TATDN2: variants seen among roughly 807,000 people sequenced by gnomAD.
The protein encoded by TATDN2 is 3'-5' RNA nuclease TATDN2.
In TATDN2, 44 loss-of-function variants were observed where a neutral mutation model predicts 60.3. That is an observed-to-expected ratio of 0.73 (90% CI 0.57 to 0.94). The LOEUF (loss-of-function observed/expected upper bound fraction) is 0.94, where lower values mean the gene tolerates loss of function less well. Among genes scored for constraint, TATDN2 ranks in the 40% least tolerant of loss-of-function variants. TATDN2 has a pLI of 0.00. For synonymous variants in TATDN2, 399 were observed against 355.8 expected, an observed-to-expected ratio of 1.12 and a Z score of -1.37; for missense variants, 997 against 948.0, an observed-to-expected ratio of 1.05 and a Z score of -0.68.
intron 2 of TATDN2, among the ~76,000 whole-genome samples, chr3:10,255,399 C>T (rs1222930275): frequency 6.6e-6 from 1 of 152,138 alleles, no homozygotes. Context: ...AATCCCGGTT[C>T]TGCCACTTAC....
intron 4 of TATDN2, among the ~76,000 whole-genome samples, chr3:10,272,355 C>T (rs1381266166): frequency 6.6e-6 from 1 of 152,146 alleles, no homozygotes; most frequent in South Asian, 2.1e-4. Context: ...CTCACTGCTA[C>T]CTCCACCTCC....
chr3:10,273,318 A>G (rs9842714), intron 4 of TATDN2, among the ~76,000 whole-genome samples: 259 of 149,986 alleles, frequency 1.7e-3, no homozygotes, highest in African/African-American at 6.1e-3. Context: ...TAAATAAAAA[A>G]TTTGGCACCC....
intron 4 of TATDN2, among the ~76,000 whole-genome samples, chr3:10,273,739 G>A (rs1408421231): frequency 6.6e-6 from 1 of 152,178 alleles, no homozygotes; most frequent in Non-Finnish European, 1.5e-5. Flanking sequence ...AAAACAATTG[G>A]GGAAAGAATG....
chr3:10,277,638 GCA>G (rs1264070166), intron 5 of TATDN2, among the ~76,000 whole-genome samples: 2 of 152,182 alleles, frequency 1.3e-5, no homozygotes, highest in Non-Finnish European at 2.9e-5. Flanking sequence ...CCTGGCTGCT[GCA>G]CACACCAATG....
At chr3:10,258,834 T>C (rs1340224962) in intron 2 of TATDN2, among the ~76,000 whole-genome samples, 1 of 152,004 alleles carries the variant, frequency 6.6e-6, no homozygotes, top group Non-Finnish European at 1.5e-5. Flanking sequence ...AGTTTAGCTT[T>C]TTAGACTTGT....
At chr3:10,273,629 T>C (rs1006613404) in intron 4 of TATDN2, among the ~76,000 whole-genome samples, 48 of 151,508 alleles carry the variant, frequency 3.2e-4, no homozygotes, top group Non-Finnish European at 3.4e-4. Flanking sequence ...GGAAGGTCTG[T>C]ATCTGGGCAA....
At position 10,260,169 on chromosome 3, in the gene TATDN2, A is replaced by G. The variant is rs749308529; in HGVS notation, c.447A>G (p.Thr149=). The part of the protein sequence containing the change: ...VDSKDSSHNS[T]NSEFAAEAEG... ...CCAAAGATAGTTCTCATAACTCCACAAACTCTGAATTTGCAGCTGAAGCTG... is the reference window on the plus strand; with the variant it reads ...CCAAAGATAGTTCTCATAACTCCACGAACTCTGAATTTGCAGCTGAAGCTG... The change falls in exon 3 of 8, where the codon ACA becomes ACG. Residue 149 remains threonine, a synonymous_variant. Coordinates refer to ENST00000448281, the MANE Select transcript of TATDN2 (RefSeq NM_014760.4). 6.2e-7 allele frequency: 1 copy of G among 1,613,656 alleles called. No homozygotes were observed.
In TATDN2 at chr3:10,249,196, T is replaced by C; in HGVS notation, c.-5T>C. On this transcript the variant is annotated splice_region_variant and 5_prime_UTR_variant, in exon 2 of 8. Transcript: ENST00000448281. ...ATCCAGGCCCCCTGTACCTTGCAGG[T>C]GCCCATGGCGTCCGAGCGGGGCAAG... 6.6e-7 allele frequency: 1 copy of C among 1,510,384 alleles called. No individual in the cohort carries two copies. 93.6% of individuals were successfully genotyped at this position (1,510,384 alleles called of 1,614,324 possible).
At chr3:10,260,001 G>A (rs1182784607) in intron 2 of TATDN2, 136 bp from the exon 3 acceptor site, 17 of 1,012,284 alleles carry the variant, frequency 1.7e-5, no homozygotes, top group Non-Finnish European at 2.4e-5. Flanking sequence ...TTCACCACCC[G>A]GAGAGAACCT....
intron 2 of TATDN2, among the ~76,000 whole-genome samples, chr3:10,250,315 G>C (rs990794625): frequency 2.6e-5 from 4 of 151,934 alleles, no homozygotes; most frequent in African/African-American, 7.2e-5. Flanking sequence ...TCAAGGCTTT[G>C]AACAAATATG....
Position 10,278,313 on chromosome 3 carries a change from C to A in TATDN2, c.1996C>A (p.Pro666Thr), listed in dbSNP as rs1371558374. Residue 666 changes from proline to threonine, a missense_variant, in exon 6 of 8, where the codon CCC becomes ACC. Physicochemically the swap from Pro to Thr is conservative, Grantham distance 38. Transcript: ENST00000448281. This position sits in a 1 kb window ranked among gnomAD's most constrained non-coding sequence, Gnocchi z 4.7. ...CACCGGCAGCTACCCGGTCATTGAGCCCCTGCTGAAGTACTTTCCCAACAT... is the reference window on the plus strand; with the variant it reads ...CACCGGCAGCTACCCGGTCATTGAGACCCTGCTGAAGTACTTTCCCAACAT... Reference protein sequence around the residue: ...CFTGSYPVIEPLLKYFPNMSV... With the variant: ...CFTGSYPVIETLLKYFPNMSV... The A allele has an allele frequency of 6.2e-7, 1 of 1,614,102 alleles. No individual in the cohort carries two copies. The highest frequency in any genetic ancestry group is 8.5e-7 in the Non-Finnish European group (1 of 1,179,970).
rs1162486674 is a variant in TATDN2 at position 10,279,311 on chromosome 3, A to G, written c.*129A>G. The stretch of plus-strand genomic sequence containing the variant: ...TAGAGAGCTGATTGGAACACAGAAA[A>G]CCAGGACAGGATGTTTTCCTCCAAG... On this transcript the variant is annotated 3_prime_UTR_variant, in exon 8 of 8. Coordinates refer to ENST00000448281, the MANE Select transcript of TATDN2 (RefSeq NM_014760.4). The G allele has an allele frequency of 5.0e-6, 1 of 201,822 alleles. No individual in the cohort carries two copies. The highest frequency in any genetic ancestry group is 9.4e-6 in the Non-Finnish European group (1 of 106,750). 12.5% of individuals were successfully genotyped at this position (201,822 alleles called of 1,614,324 possible).
chr3:10,271,092 C>G, intron 4 of TATDN2, 77 bp downstream of exon 4: 1 of 1,480,170 alleles, frequency 6.8e-7, no homozygotes, highest in Non-Finnish European at 8.9e-7. Context: ...AAGGGTTTAT[C>G]TAATTTTAGA....
chr3:10,268,825 A>T (rs1338223485), intron 3 of TATDN2, among the ~76,000 whole-genome samples: 1 of 152,248 alleles, frequency 6.6e-6, no homozygotes, highest in Non-Finnish European at 1.5e-5. Context: ...TGGAAAAAAA[A>T]TAAAAATTCC....
chr3:10,251,994 A>G (rs947938316), intron 2 of TATDN2, among the ~76,000 whole-genome samples: 9 of 151,550 alleles, frequency 5.9e-5, no homozygotes, highest in African/African-American at 2.2e-4. Context: ...TAAAAATACA[A>G]AAAGTTAGCC....
intron 3 of TATDN2, among the ~76,000 whole-genome samples, chr3:10,266,499 G>C (rs1043260258): frequency 6.6e-6 from 1 of 152,212 alleles, no homozygotes. Context: ...ACTCGAATTA[G>C]GATCTTGAGA....
Position 10,276,424 on chromosome 3 carries a change from G to C in TATDN2, c.1897G>C (p.Glu633Gln). Residue 633 changes from glutamate to glutamine, a missense_variant, in exon 5 of 8, where the codon GAA becomes CAA. Glu to Gln is a conservative substitution (Grantham distance 29). Coordinates refer to ENST00000448281, the MANE Select transcript of TATDN2 (RefSeq NM_014760.4). ...LKKPLVIHCR[E>Q]ADEDLLEIMK... ...GAAGCCCTTGGTGATCCACTGCCGA[G>C]AAGCTGATGAAGATCTGCTAGAAAT... 6.2e-7 allele frequency: 1 copy of C among 1,614,050 alleles called. No individual in the cohort carries two copies.
rs767073634 is a variant in TATDN2 at position 10,249,378 on chromosome 3, G to C, written c.178G>C (p.Glu60Gln). ...CCCCAAGCGCCTGAAAGCCCAGAAG[G>C]AGGACGATGTGGCTTGCTCGCGGAG... ...SSPKRLKAQK[E>Q]DDVACSRRLS... is the part of the protein sequence containing the mutation. The change falls in exon 2 of 8, where the codon GAG becomes CAG. Residue 60 changes from glutamate to glutamine, a missense_variant. By Grantham distance (29) the Glu-to-Gln change is conservative. Transcript: ENST00000448281. The C allele has an allele frequency of 6.2e-7, 1 of 1,613,272 alleles. No homozygotes were observed. Among genetic ancestry groups the C allele is most frequent in the Non-Finnish European group, 8.5e-7 (1 of 1,179,644 alleles).
chr3:10,263,657 C>G (rs111456184), intron 3 of TATDN2, among the ~76,000 whole-genome samples: 2,176 of 152,134 alleles, frequency 0.014, 46 homozygotes, highest in African/African-American at 0.049. Context: ...TCTGTTATCT[C>G]TTTTAGGGAG....
Sources: gnomAD v4.1 joint callset for allele counts (sites outside exome capture counted in the v4.1 genomes callset) on GRCh38, gnomAD v4.1.1 for gene constraint, Gnocchi (gnomAD v3.1) non-coding constraint, MANE v1.5 for transcripts, NCBI Gene and HGNC (gene_info 2026-07-23, HGNC 2026-07-21) for gene names.